SLFN12: variants seen among roughly 807,000 people sequenced by gnomAD.
SLFN12 encodes the protein ribonuclease SLFN12.
A neutral mutation model predicts 29.1 loss-of-function variants in SLFN12; 25 were observed. The ratio of observed to expected loss-of-function variants is 0.86; its 90% CI spans 0.63 to 1.20. The LOEUF is 1.20. SLFN12 is among the 50% of genes most tolerant of loss of function. SLFN12 has a pLI of 0.00. For synonymous variants in SLFN12, 257 were observed against 238.7 expected (o/e 1.08, Z -0.71); for missense variants, 660 against 666.2 (o/e 0.99, Z 0.10).
In SLFN12 at chr17:35,423,189, T is replaced by C. The variant is rs559194468; in HGVS notation, c.-40-121A>G. The C allele has an allele frequency of 2.8e-5, 33 of 1,173,120 alleles. No homozygotes were observed. In the South Asian group the frequency reaches 6.5e-4, roughly 23 times the overall value. The allele number at this position is 1,173,120 out of a possible 1,614,324, so 72.7% of individuals were successfully genotyped here. A position where few individuals can be genotyped will look rare whatever the true frequency, so the allele number is the denominator to read the frequency against. On this transcript the variant is annotated intron_variant, in intron 1 of 3. Coordinates refer to ENST00000304905, the MANE Select transcript of SLFN12 (RefSeq NM_018042.5). Reference sequence around the variant, plus strand: ...ATATTCTACTAGACTGGTAAGTATATGGATATGAAGAGACTGGCAAATTTT... The same window carrying C: ...ATATTCTACTAGACTGGTAAGTATACGGATATGAAGAGACTGGCAAATTTT...
chr17:35,424,578 G>T (rs1911893734), intron 1 of SLFN12, among the ~76,000 whole-genome samples: 1 of 152,108 alleles, frequency 6.6e-6, no homozygotes, highest in Non-Finnish European at 1.5e-5. Context: ...GTCCATCATA[G>T]GTAGTAATTG....
At chr17:35,417,312 G>C (rs1911371370) in intron 3 of SLFN12, among the ~76,000 whole-genome samples, 1 of 152,066 alleles carries the variant, frequency 6.6e-6, no homozygotes, top group Non-Finnish European at 1.5e-5. Context: ...GTCAACAGGA[G>C]TAGAAAATGT....
intron 2 of SLFN12, among the ~76,000 whole-genome samples, chr17:35,421,598 GGC>G (rs1349293119): frequency 1.4e-5 from 2 of 140,616 alleles, no homozygotes; most frequent in Non-Finnish European, 3.0e-5. Flanking sequence ...GGAGTGCAGT[GGC>G]GCAATCTCCG....
At chr17:35,416,015 G>A (rs556968647) in intron 3 of SLFN12, among the ~76,000 whole-genome samples, 1 of 152,208 alleles carries the variant, frequency 6.6e-6, no homozygotes, top group Non-Finnish European at 1.5e-5. Flanking sequence ...GGTATCTACT[G>A]AGAGGAAAAT....
At chr17:35,412,032 G>C (rs1911060239) in intron 3 of SLFN12, 105 bp from the exon 4 acceptor site, 6 of 783,138 alleles carry the variant, frequency 7.7e-6, no homozygotes, top group Non-Finnish European at 1.1e-5. Context: ...CAAAAACACT[G>C]TAAAAGTTGT....
Position 35,422,073 on chromosome 17 carries a change from G to A in SLFN12, c.956C>T (p.Pro319Leu). 1 of 1,614,074 alleles carries A rather than the reference G, an allele frequency of 6.2e-7. No homozygotes were observed. The highest frequency in any genetic ancestry group is 8.5e-7 in the Non-Finnish European group (1 of 1,180,018). Residue 319 changes from proline to leucine, a missense_variant, in exon 2 of 4, where the codon CCT becomes CTT. Coordinates refer to ENST00000304905, the MANE Select transcript of SLFN12 (RefSeq NM_018042.5). ...RFCCAVFAKEPDSWHVKDNRV... is the reference protein window; with the variant it reads ...RFCCAVFAKELDSWHVKDNRV... The stretch of plus-strand genomic sequence containing the variant: ...GTTATCTTTCACATGCCAGGAATCA[G>A]GCTCTTTAGCAAACACTGCACAGCA...
At chr17:35,421,139 G>A (rs1567847884) in intron 2 of SLFN12, among the ~76,000 whole-genome samples, 2 of 151,526 alleles carry the variant, frequency 1.3e-5, no homozygotes, top group Non-Finnish European at 2.9e-5. Flanking sequence ...AATCCAGGAG[G>A]CGGAGGTTGC....
Position 35,412,121 on chromosome 17 carries a change from T to C in SLFN12, c.1148-194A>G, listed in dbSNP as rs575990282. Among the ~76,000 whole-genome samples, 6 of 152,224 alleles carry C rather than the reference T, an allele frequency of 3.9e-5. No homozygotes were observed. The East Asian group carries it at 1.2e-3, about 29-fold the overall frequency. Reference sequence around the variant, plus strand: ...GTATTTGAAGTGCCACAGTCTTTGATAGAGGTGAAACACAGAAAGTAGCTT... The same window carrying C: ...GTATTTGAAGTGCCACAGTCTTTGACAGAGGTGAAACACAGAAAGTAGCTT... On this transcript the variant is annotated intron_variant, in intron 3 of 3. Coordinates refer to ENST00000304905, the MANE Select transcript of SLFN12 (RefSeq NM_018042.5).
chr17:35,412,302 GAGA>G (rs1335242202), intron 3 of SLFN12, among the ~76,000 whole-genome samples: 8 of 152,114 alleles, frequency 5.3e-5, no homozygotes, highest in African/African-American at 1.9e-4. Flanking sequence ...TGAAGCTGCA[GAGA>G]AGAAGCCAAA....
intron 1 of SLFN12, among the ~76,000 whole-genome samples, chr17:35,428,955 C>G (rs1304882637): frequency 6.6e-6 from 1 of 152,078 alleles, no homozygotes; most frequent in Non-Finnish European, 1.5e-5. Flanking sequence ...TCCATCTCTA[C>G]CCACAAAGGC....
In SLFN12 at chr17:35,432,311, T is replaced by A. The variant is rs1912365919; in HGVS notation, c.-164A>T. 1 of 151,926 alleles carries A rather than the reference T, an allele frequency of 6.6e-6. No individual in the cohort carries two copies. 9.4% of individuals were successfully genotyped at this position (151,926 alleles called of 1,614,324 possible). A position where few individuals can be genotyped will look rare whatever the true frequency, so the allele number is the denominator to read the frequency against. ...AAGAATGAAGCAACAAAAGCAGAGA[T>A]TTATTGAAAACGAAAGTGCACTCCA... On this transcript the variant is annotated 5_prime_UTR_variant, in exon 1 of 4. Transcript: ENST00000304905.
Position 35,422,485 on chromosome 17 carries a change from C to A in SLFN12, c.544G>T (p.Gly182Trp), listed in dbSNP as rs775481305. The A allele has an allele frequency of 4.3e-6, 7 of 1,612,214 alleles. No homozygotes were observed. Among genetic ancestry groups the A allele is most frequent in the Non-Finnish European group, 5.9e-6 (7 of 1,179,572 alleles). The change falls in exon 2 of 4, where the codon GGG becomes TGG. Residue 182 changes from glycine (G) to tryptophan (W), a missense_variant. Physicochemically the swap from Gly to Trp is radical, Grantham distance 184. Coordinates refer to ENST00000304905, the MANE Select transcript of SLFN12 (RefSeq NM_018042.5). ...QEENNMKALAGVFFDRTELDR... is the reference protein window; with the variant it reads ...QEENNMKALAWVFFDRTELDR... ...AGTTCTGTTCTATCAAAAAAAACCCCGGCCAAGGCCTTCATGTTATTTTCT... is the reference window on the plus strand; with the variant it reads ...AGTTCTGTTCTATCAAAAAAAACCCAGGCCAAGGCCTTCATGTTATTTTCT...
chr17:35,429,192 G>A (rs532253594), intron 1 of SLFN12, among the ~76,000 whole-genome samples: 1 of 152,154 alleles, frequency 6.6e-6, no homozygotes, highest in South Asian at 2.1e-4. Context: ...GAAGGGGACA[G>A]AAATCACATC....
intron 3 of SLFN12, among the ~76,000 whole-genome samples, chr17:35,417,852 TA>T (rs900369806): frequency 9.8e-4 from 148 of 151,688 alleles, no homozygotes; most frequent in African/African-American, 3.3e-3. Context: ...ATGGAACTTT[TA>T]AAAAAAATAT....
chr17:35,422,578 T>A lies in SLFN12; in HGVS notation c.451A>T (p.Lys151Ter). ...AALEFLKDMK[K>*]TRGRLYLRPE... ...CTTAAATACAATCTCCCTCTAGTCTTTTTCATGTCTTTGAGGAACTCCAGT... is the reference window on the plus strand; with the variant it reads ...CTTAAATACAATCTCCCTCTAGTCTATTTCATGTCTTTGAGGAACTCCAGT... The change falls in exon 2 of 4, where the codon AAG becomes TAG. Residue 151 changes from lysine (K) to a stop codon, truncating the protein, a stop_gained. Coordinates refer to ENST00000304905, the MANE Select transcript of SLFN12 (RefSeq NM_018042.5). LOFTEE classifies it high-confidence loss of function. 1 of 1,614,108 alleles carries A rather than the reference T, an allele frequency of 6.2e-7. No homozygotes were observed. Among genetic ancestry groups the A allele is most frequent in the Non-Finnish European group, 8.5e-7 (1 of 1,180,006 alleles).
chr17:35,419,009 A>C (rs970560456), intron 3 of SLFN12, among the ~76,000 whole-genome samples: 1 of 152,060 alleles, frequency 6.6e-6, no homozygotes, highest in Admixed American at 6.6e-5. Context: ...CTGGGTCTGC[A>C]GGTGTGCACC....
At chr17:35,428,481 G>A (rs1298127870) in intron 1 of SLFN12, among the ~76,000 whole-genome samples, 1 of 152,242 alleles carries the variant, frequency 6.6e-6, no homozygotes, top group Middle Eastern at 3.4e-3. Flanking sequence ...GGGGGTAAGA[G>A]GATGTGGTCT....
Position 35,411,342 on chromosome 17 carries a change from G to A in SLFN12, c.1733C>T (p.Thr578Ile), listed in dbSNP as rs200972095. 5.9e-6 allele frequency: 9 copies of A among 1,528,650 alleles called. No homozygotes were observed. The African/African-American group carries it at 9.7e-5, about 16-fold the overall frequency. The allele number at this position is 1,528,650 out of a possible 1,614,324, so 94.7% of individuals were successfully genotyped here. A position where few individuals can be genotyped will look rare whatever the true frequency, so the allele number is the denominator to read the frequency against. Residue 578 changes from threonine to isoleucine, a missense_variant, in exon 4 of 4, where the codon ACC becomes ATC. Coordinates refer to ENST00000304905, the MANE Select transcript of SLFN12 (RefSeq NM_018042.5). ...AGTAGCCCAGTCCATTTTCCATCAG[G>A]TGAGCCTTCGACAAGATTTAAACAT... ...KKMFKSCRRL[T>I]
chr17:35,416,067 C>T (rs1911293390), intron 3 of SLFN12, among the ~76,000 whole-genome samples: 1 of 152,060 alleles, frequency 6.6e-6, no homozygotes, highest in African/African-American at 2.4e-5. Flanking sequence ...ACATTTATAG[C>T]AGTACAATTT....
Sources: gnomAD v4.1 joint callset for allele counts (sites outside exome capture counted in the v4.1 genomes callset) on GRCh38, gnomAD v4.1.1 for gene constraint, MANE v1.5 for transcripts, NCBI Gene and HGNC (gene_info 2026-07-23, HGNC 2026-07-21) for gene names.